Variants in PAPPA observed in about 807,000 individuals in gnomAD.
PAPPA encodes the protein pappalysin-1.
PAPPA carries 60 observed loss-of-function variants against 164.0 expected under a neutral mutation model. The ratio of observed to expected loss-of-function variants is 0.37; its 90% CI spans 0.30 to 0.45. The LOEUF (loss-of-function observed/expected upper bound fraction) is 0.45. Among genes scored for constraint, PAPPA ranks in the 20% least tolerant of loss-of-function variants. PAPPA has a pLI of 1.00. For missense variants in PAPPA, 1,782 were observed against 2,087.3 expected (o/e 0.85, Z 2.85); for synonymous variants, 875 against 814.1 (o/e 1.07, Z -1.27).
chr9:116,247,450 G>A (rs1032907172), intron 7 of PAPPA, among the ~76,000 whole-genome samples: 2 of 152,166 alleles, frequency 1.3e-5, no homozygotes, highest in Non-Finnish European at 2.9e-5. Flanking sequence ...TACTGAGGAA[G>A]CTCCTTTGGA....
intron 7 of PAPPA, 72 bp downstream of exon 7, chr9:116,235,709 G>T: frequency 7.0e-7 from 1 of 1,432,556 alleles, no homozygotes; most frequent in Non-Finnish European, 9.8e-7. Flanking sequence ...GGGTCAGAGA[G>T]GCCTGGACAG....
chr9:116,192,401 A>T lies in PAPPA; in HGVS notation c.1478+4185A>T, dbSNP rs773488383. On this transcript the variant is annotated intron_variant, in intron 2 of 21. Transcript: ENST00000328252. ...CCAGACCATGAGCAGAGAAAAGTTC[A>T]GTTTATCTCACGGAAAACTTTAATG... is the stretch of plus-strand genomic sequence containing the variant. Among the ~76,000 whole-genome samples, 189 of 152,224 alleles carry T rather than the reference A, an allele frequency of 1.2e-3. 4 individuals carry two copies. The highest frequency in any genetic ancestry group is 4.7e-4 in the Non-Finnish European group (32 of 68,042).
intron 1 of PAPPA, among the ~76,000 whole-genome samples, chr9:116,180,420 C>T (rs113879947): frequency 5.9e-5 from 9 of 152,196 alleles, no homozygotes; most frequent in African/African-American, 1.4e-4. Context: ...ATCAATTAAC[C>T]TCTCTACATC....
intron 9 of PAPPA, among the ~76,000 whole-genome samples, chr9:116,282,501 G>A (rs1239172744): frequency 6.6e-6 from 1 of 152,074 alleles, no homozygotes; most frequent in African/African-American, 2.4e-5. Context: ...TAAATTAATT[G>A]GATAAAATTC....
intron 5 of PAPPA, among the ~76,000 whole-genome samples, chr9:116,226,194 ATACC>A (rs1458380259): frequency 6.6e-6 from 1 of 152,210 alleles, no homozygotes; most frequent in Non-Finnish European, 1.5e-5. Context: ...AGAGCATTGA[ATACC>A]ACATTATAGG....
At position 116,261,887 on chromosome 9, in the gene PAPPA, GTGTTT is replaced by G. The variant is rs71300680; in HGVS notation, c.2733-3949_2733-3945del. Among the ~76,000 whole-genome samples the G allele has an allele frequency of 1.4e-3, 214 of 151,056 alleles. 2 individuals carry two copies. Among genetic ancestry groups the G allele is most frequent in the South Asian group, 9.3e-3 (44 of 4,750 alleles). On this transcript the variant is annotated intron_variant, in intron 7 of 21. Coordinates refer to ENST00000328252, the MANE Select transcript of PAPPA (RefSeq NM_002581.5). ...GAATGACGGTTAAATGTAGAAAAAA[GTGTTT>G]TGTTTTGTTTTGTTTTGTTTAAAAA...
At chr9:116,371,803 G>T (rs1388267343) in intron 19 of PAPPA, among the ~76,000 whole-genome samples, 1 of 152,036 alleles carries the variant, frequency 6.6e-6, no homozygotes, top group Non-Finnish European at 1.5e-5. Flanking sequence ...ATGTGGACCT[G>T]TCCAAATCTT....
chr9:116,266,708 A>G (rs561226206), intron 8 of PAPPA, among the ~76,000 whole-genome samples: 13 of 152,288 alleles, frequency 8.5e-5, no homozygotes, highest in African/African-American at 2.6e-4. Context: ...AGACTTTTGC[A>G]TTGTTTAAAA....
chr9:116,346,948 C>T, intron 14 of PAPPA, 78 bp from the exon 15 acceptor site: 6 of 1,255,470 alleles, frequency 4.8e-6, no homozygotes, highest in Non-Finnish European at 6.6e-6. Context: ...TCTGAGCCGT[C>T]ACCTTGGGAA....
intron 5 of PAPPA, among the ~76,000 whole-genome samples, chr9:116,220,559 T>TCA (rs199703305): frequency 2.0e-5 from 2 of 102,528 alleles, no homozygotes; most frequent in African/African-American, 7.3e-5. Flanking sequence ...TTTATGTGTG[T>TCA]CACGTGTGTA....
intron 13 of PAPPA, among the ~76,000 whole-genome samples, chr9:116,337,522 ATTTCAACTG>A (rs2118961704): frequency 6.6e-6 from 1 of 152,178 alleles, no homozygotes; most frequent in Non-Finnish European, 1.5e-5. Context: ...TATAACACAA[ATTTCAACTG>A]GTTGTAGGAG....
Position 116,332,442 on chromosome 9 carries a change from A to G in PAPPA, c.3371A>G (p.Asp1124Gly). The G allele has an allele frequency of 1.9e-6, 3 of 1,613,808 alleles. No homozygotes were observed. Among genetic ancestry groups the G allele is most frequent in the Non-Finnish European group, 2.5e-6 (3 of 1,179,688 alleles). The change falls in exon 12 of 22, where the codon GAT (aspartate) becomes GGT (glycine). Residue 1124 changes from aspartate (D) to glycine (G), a missense_variant. By Grantham distance (94) the Asp-to-Gly change is moderately conservative. Transcript: ENST00000328252. ...GAGACCATCAGCGTGCAGCTGCTTG[A>G]TACCAAAGATCAGAGCCACGATCTA... ...KQETISVQLLDTKDQSHDLGL... is the reference protein window; with the variant it reads ...KQETISVQLLGTKDQSHDLGL...
chr9:116,332,308 C>T, intron 11 of PAPPA, 25 bp from the exon 12 acceptor site: 2 of 1,604,754 alleles, frequency 1.2e-6, no homozygotes, highest in Non-Finnish European at 1.7e-6. Flanking sequence ...GCACATGTGA[C>T]CCTCCTACGT....
intron 21 of PAPPA, among the ~76,000 whole-genome samples, chr9:116,382,826 G>GCAT (rs1240483646): frequency 3.3e-5 from 5 of 152,084 alleles, no homozygotes; most frequent in Admixed American, 3.3e-4. Flanking sequence ...AGAGCAAGAG[G>GCAT]CATCTGCACT....
chr9:116,343,603 C>A (rs1008712726), intron 13 of PAPPA, among the ~76,000 whole-genome samples: 12 of 152,112 alleles, frequency 7.9e-5, no homozygotes, highest in African/African-American at 2.2e-4. Context: ...AAGACTTCTA[C>A]CTCCATCACC....
intron 19 of PAPPA, among the ~76,000 whole-genome samples, chr9:116,376,725 G>C (rs1470060937): frequency 6.6e-6 from 1 of 152,156 alleles, no homozygotes; most frequent in Non-Finnish European, 1.5e-5. Flanking sequence ...AAGTGCCAAA[G>C]AAGACATAAA....
At chr9:116,281,094 G>A (rs1845260438) in intron 9 of PAPPA, among the ~76,000 whole-genome samples, 1 of 152,198 alleles carries the variant, frequency 6.6e-6, no homozygotes. Flanking sequence ...AATGTATTAA[G>A]TTTTATGAGT....
At chr9:116,262,647 G>A (rs1200301380) in intron 7 of PAPPA, among the ~76,000 whole-genome samples, 2 of 152,196 alleles carry the variant, frequency 1.3e-5, no homozygotes, top group East Asian at 1.9e-4. Context: ...GGCCTCAGGA[G>A]AGCTGAAGAA....
rs184436319 is a variant in PAPPA, at chr9:116,169,686, C to A, written c.415+15099C>A. Among the ~76,000 whole-genome samples, 26 of 151,524 alleles carry A rather than the reference C, an allele frequency of 1.7e-4. No homozygotes were observed. In the East Asian group the frequency reaches 5.1e-3, roughly 30 times the overall value. ...GAATTGTAAGGGATGTGTCCATGCT[C>A]CTCCTGCAATCTTCACCTAGAATAT... On this transcript the variant is annotated intron_variant, in intron 1 of 21. Coordinates refer to ENST00000328252, the MANE Select transcript of PAPPA (RefSeq NM_002581.5).
Sources: allele counts gnomAD v4.1 joint callset (sites outside exome capture counted in the v4.1 genomes callset), GRCh38; gene constraint gnomAD v4.1.1; transcripts MANE v1.5; gene names NCBI Gene and HGNC (gene_info 2026-07-23, HGNC 2026-07-21).